Variants in PAK5 observed in about 807,000 individuals in gnomAD.
The protein encoded by PAK5 is serine/threonine-protein kinase PAK 5.
PAK5 carries 16 observed loss-of-function variants against 65.9 expected under a neutral mutation model. The observed-to-expected ratio is 0.24, with a 90% CI of 0.16 to 0.37. The LOEUF is 0.37. Ranked by LOEUF, PAK5 falls within the 10% of genes least tolerant of loss-of-function variation. The pLI is 1.00. For synonymous variants in PAK5, 371 were observed against 354.9 expected, an observed-to-expected ratio of 1.05 and a Z score of -0.51; for missense variants, 785 against 903.9, an observed-to-expected ratio of 0.87 and a Z score of 1.69.
intron 2 of PAK5, among the ~76,000 whole-genome samples, chr20:9,665,055 G>T (rs1600216535): frequency 7.0e-6 from 1 of 142,814 alleles, no homozygotes; most frequent in Admixed American, 7.2e-5. Flanking sequence ...AACTATAGGT[G>T]CACACCACCA....
chr20:9,642,000 T>C (rs1244776965), intron 3 of PAK5, among the ~76,000 whole-genome samples: 1 of 151,902 alleles, frequency 6.6e-6, no homozygotes, highest in Non-Finnish European at 1.5e-5. Context: ...GCTGAGGGAG[T>C]GGGCTCCAGC....
At chr20:9,741,886 T>G (rs1458017575) in intron 1 of PAK5, among the ~76,000 whole-genome samples, 1 of 151,982 alleles carries the variant, frequency 6.6e-6, no homozygotes, top group African/African-American at 2.4e-5. Context: ...AAAAAACTCC[T>G]CCCTCTTTCC....
At chr20:9,732,154 T>A (rs1260125124) in intron 1 of PAK5, among the ~76,000 whole-genome samples, 1 of 151,202 alleles carries the variant, frequency 6.6e-6, no homozygotes, top group Non-Finnish European at 1.5e-5. Flanking sequence ...TAGTACTGCA[T>A]CAAAAATGGA....
chr20:9,598,722 T>G (rs2046312231), intron 3 of PAK5, among the ~76,000 whole-genome samples: 1 of 152,224 alleles, frequency 6.6e-6, no homozygotes, highest in African/African-American at 2.4e-5. Context: ...ATGTTGAGCT[T>G]TATTTCATAT....
chr20:9,542,077 C>T (rs951572146), intron 9 of PAK5, among the ~76,000 whole-genome samples: 1 of 152,166 alleles, frequency 6.6e-6, no homozygotes, highest in African/African-American at 2.4e-5. Context: ...AACCAGCTTT[C>T]AATCCCTTCT....
chr20:9,771,788 C>T (rs1037147411), intron 1 of PAK5, among the ~76,000 whole-genome samples: 7 of 151,842 alleles, frequency 4.6e-5, no homozygotes, highest in Middle Eastern at 6.3e-3. Flanking sequence ...CCTGTAATAT[C>T]AACACTTTGG....
At chr20:9,628,421 G>A (rs960534812) in intron 3 of PAK5, among the ~76,000 whole-genome samples, 2 of 152,078 alleles carry the variant, frequency 1.3e-5, no homozygotes, top group Non-Finnish European at 2.9e-5. Flanking sequence ...TCATTCATTA[G>A]GTATGAATAT....
At position 9,677,735 on chromosome 20, in the gene PAK5, C is replaced by G. The variant is rs185249065; in HGVS notation, c.-11-33396G>C. Among the ~76,000 whole-genome samples the G allele has an allele frequency of 7.9e-5, 12 of 152,276 alleles. No individual in the cohort carries two copies. In the East Asian group the frequency reaches 2.3e-3, roughly 29 times the overall value. On this transcript the variant is annotated intron_variant, in intron 2 of 9. Coordinates refer to ENST00000353224, the MANE Select transcript of PAK5 (RefSeq NM_177990.4). Reference sequence around the variant, plus strand: ...TATTTTCCTAAATTATGCATGTAAGCAACAGACCATAATCGTAGTAGCAGT... The same window carrying G: ...TATTTTCCTAAATTATGCATGTAAGGAACAGACCATAATCGTAGTAGCAGT...
intron 4 of PAK5, among the ~76,000 whole-genome samples, chr20:9,573,488 G>A (rs879628718): frequency 2.6e-5 from 4 of 152,210 alleles, no homozygotes; most frequent in Admixed American, 2.6e-4. Context: ...TTGTCAGCCA[G>A]AATTCCCCTG....
Position 9,672,388 on chromosome 20 carries a change from T to A in PAK5, c.-11-28049A>T, listed in dbSNP as rs182251432. 1.9e-3 allele frequency among the ~76,000 whole-genome samples: 280 copies of A among 149,824 alleles called. 1 individual carries two copies. The highest frequency in any genetic ancestry group is 6.3e-3 in the African/African-American group (257 of 40,570). ...CTGTGTCTCCACCCAAATCTCCTCT[T>A]GAATTGTAGCTCCCATAATTCCCAC... On this transcript the variant is annotated intron_variant, in intron 2 of 9. Transcript: ENST00000353224.
chr20:9,549,841 T>C (rs1186132126), intron 7 of PAK5, among the ~76,000 whole-genome samples: 1 of 152,288 alleles, frequency 6.6e-6, no homozygotes, highest in African/African-American at 2.4e-5. Flanking sequence ...GCTCCTTTTC[T>C]CTTGCAACAA....
At chr20:9,759,682 G>T (rs2048676175) in intron 1 of PAK5, among the ~76,000 whole-genome samples, 1 of 152,068 alleles carries the variant, frequency 6.6e-6, no homozygotes, top group Admixed American at 6.6e-5. Context: ...GAAAAAGGAG[G>T]CTCTCCTGGT....
chr20:9,794,347 A>G (rs1030186581), intron 1 of PAK5, among the ~76,000 whole-genome samples: 1 of 152,024 alleles, frequency 6.6e-6, no homozygotes, highest in African/African-American at 2.4e-5. Context: ...GAAAAATTTA[A>G]AAAATTTAAA....
At chr20:9,748,759 T>TA (rs1015195887) in intron 1 of PAK5, among the ~76,000 whole-genome samples, 2 of 152,210 alleles carry the variant, frequency 1.3e-5, no homozygotes, top group East Asian at 1.9e-4. Context: ...AAATGTTCCA[T>TA]AAAAAAACAT....
chr20:9,740,612 C>T (rs1457471146), intron 1 of PAK5, among the ~76,000 whole-genome samples: 1 of 152,150 alleles, frequency 6.6e-6, no homozygotes, highest in Non-Finnish European at 1.5e-5. Flanking sequence ...GCTCTTGCAC[C>T]ACTGCCCTGA....
chr20:9,740,694 T>G (rs2123584072), intron 1 of PAK5, among the ~76,000 whole-genome samples: 1 of 152,310 alleles, frequency 6.6e-6, no homozygotes. Flanking sequence ...CCCAGTCTTT[T>G]GAGCGGAGGC....
intron 3 of PAK5, among the ~76,000 whole-genome samples, chr20:9,596,749 T>G (rs1295300973): frequency 2.0e-5 from 3 of 151,050 alleles, no homozygotes; most frequent in Non-Finnish European, 2.9e-5. Context: ...AATAAGAATC[T>G]CTGGGGTAAA....
At chr20:9,757,241 T>A (rs1348508683) in intron 1 of PAK5, among the ~76,000 whole-genome samples, 5 of 152,124 alleles carry the variant, frequency 3.3e-5, no homozygotes, top group Non-Finnish European at 5.9e-5. Flanking sequence ...AAAAAAACTA[T>A]TACATATATT....
intron 1 of PAK5, among the ~76,000 whole-genome samples, chr20:9,835,591 C>T (rs1979084274): frequency 1.3e-5 from 2 of 152,026 alleles, no homozygotes; most frequent in South Asian, 4.2e-4. Context: ...AAGAGCCAGG[C>T]AAGGAACCAG....
Sources: allele counts gnomAD v4.1 joint callset (sites outside exome capture counted in the v4.1 genomes callset), GRCh38; gene constraint gnomAD v4.1.1; transcripts MANE v1.5; gene names NCBI Gene and HGNC (gene_info 2026-07-23, HGNC 2026-07-21).